Variants in WDR89 observed in about 807,000 individuals in gnomAD.
The protein encoded by WDR89 is WD repeat domain 89, also known as WD repeat-containing protein 89.
A neutral mutation model predicts 29.1 loss-of-function variants in WDR89; 17 were observed. That is an observed-to-expected ratio of 0.58 (90% CI 0.40 to 0.88). The LOEUF (loss-of-function observed/expected upper bound fraction) is 0.88. Among genes scored for constraint, WDR89 ranks in the 40% least tolerant of loss-of-function variants. The pLI, the probability that WDR89 is intolerant of heterozygous loss-of-function variation, is 0.00. For synonymous variants in WDR89, 138 were observed against 157.8 expected, an observed-to-expected ratio of 0.87 and a Z score of 0.94; for missense variants, 396 against 456.3, an observed-to-expected ratio of 0.87 and a Z score of 1.20.
chr14:63,635,883 T>A (rs1185909133), intron 1 of WDR89, among the ~76,000 whole-genome samples: 1 of 152,090 alleles, frequency 6.6e-6, no homozygotes, highest in African/African-American at 2.4e-5. Flanking sequence ...TTACAATAGC[T>A]GCAAAAACAA....
intron 2 of WDR89, among the ~76,000 whole-genome samples, chr14:63,615,173 C>CAGTTATTACAGATGTTATTTA (rs1157635440): frequency 1.1e-4 from 16 of 152,198 alleles, no homozygotes; most frequent in Non-Finnish European, 2.1e-4. Flanking sequence ...CCTGAGATGT[C>CAGTTATTACAGATGTTATTTA]CAGTTTTGCA....
chr14:63,629,775 A>G (rs902045682), intron 1 of WDR89, among the ~76,000 whole-genome samples: 1 of 152,050 alleles, frequency 6.6e-6, no homozygotes, highest in African/African-American at 2.4e-5. Context: ...TATTTTTTTT[A>G]TTTCTTCTCA....
rs113657972 is a variant in WDR89 at position 63,614,311 on chromosome 14, C to CT, written c.-32+10616dup. ...GGCATATCCTTTCTTTTCTTTTTTT[C>CT]TTTTTTTTTTTTTTGAGACAGGGTC... On this transcript the variant is annotated intron_variant, in intron 2 of 2. Transcript: ENST00000620954. Among the ~76,000 whole-genome samples the CT allele has an allele frequency of 7.0e-3, 1,000 of 141,892 alleles. 9 individuals are homozygous for CT. The highest frequency in any genetic ancestry group is 0.046 in the South Asian group (207 of 4,472). 93.1% of individuals were successfully genotyped at this position (141,892 alleles called of 152,430 possible).
intron 2 of WDR89, among the ~76,000 whole-genome samples, chr14:63,620,004 CAAAAAAAAAAAAA>C (rs71120271): frequency 1.4e-5 from 1 of 72,468 alleles, no homozygotes; most frequent in Non-Finnish European, 2.8e-5. Context: ...GACTCCATCT[CAAAAAAAAAAAAA>C]AAAAAAAGAA....
chr14:63,612,677 C>T (rs1595024017), intron 2 of WDR89, among the ~76,000 whole-genome samples: 1 of 152,128 alleles, frequency 6.6e-6, no homozygotes, highest in Non-Finnish European at 1.5e-5. Flanking sequence ...CAAGAGCCAC[C>T]ATGCCTAGCC....
At chr14:63,625,828 GC>G (rs1882999135) in intron 1 of WDR89, among the ~76,000 whole-genome samples, 1 of 150,872 alleles carries the variant, frequency 6.6e-6, no homozygotes, top group African/African-American at 2.4e-5. Flanking sequence ...ACACAAAGAA[GC>G]AAAACATACA....
At chr14:63,620,702 T>C (rs911411215) in intron 2 of WDR89, among the ~76,000 whole-genome samples, 3 of 151,890 alleles carry the variant, frequency 2.0e-5, no homozygotes, top group South Asian at 2.1e-4. Context: ...CTGGCCAATA[T>C]GGTGAAGCCC....
At chr14:63,600,677 T>C (rs1895017396) in intron 2 of WDR89, among the ~76,000 whole-genome samples, 1 of 121,684 alleles carries the variant, frequency 8.2e-6, no homozygotes, top group African/African-American at 3.0e-5. Flanking sequence ...TGGCCCCAGC[T>C]GCCTTACACA....
chr14:63,625,725 TTACAG>T (rs1882992043), intron 1 of WDR89, among the ~76,000 whole-genome samples: 1 of 152,310 alleles, frequency 6.6e-6, no homozygotes, highest in South Asian at 2.1e-4. Context: ...TTTGTAGACC[TTACAG>T]TAGTTATATT....
chr14:63,621,333 A>G (rs538036498), intron 2 of WDR89, among the ~76,000 whole-genome samples: 175 of 152,166 alleles, frequency 1.2e-3, no homozygotes, highest in Non-Finnish European at 2.1e-3. Flanking sequence ...GCTGGCTACA[A>G]CCTCTGCCTT....
At chr14:63,618,123 T>C (rs928587424) in intron 2 of WDR89, 2 of 152,148 alleles carry the variant, frequency 1.3e-5, no homozygotes, top group African/African-American at 4.8e-5. Flanking sequence ...ACATACCAGT[T>C]TGTGAAACAT....
At chr14:63,641,127 A>G (rs962355035) in intron 1 of WDR89, among the ~76,000 whole-genome samples, 8 of 151,770 alleles carry the variant, frequency 5.3e-5, no homozygotes, top group Non-Finnish European at 7.4e-5. Flanking sequence ...AAAAAGAAAA[A>G]GAAAAACAAA....
chr14:63,625,098 C>T (rs1174048536), intron 1 of WDR89, 65 bp from the exon 2 acceptor site: 3 of 152,048 alleles, frequency 2.0e-5, no homozygotes, highest in African/African-American at 7.2e-5. Context: ...GACTCTCCCT[C>T]CCCGAGAAAT....
intron 2 of WDR89, among the ~76,000 whole-genome samples, chr14:63,602,643 A>G (rs1895124968): frequency 6.7e-6 from 1 of 150,324 alleles, no homozygotes; most frequent in African/African-American, 2.4e-5. Context: ...GTGGTGGCAC[A>G]TGCCTGTAAT....
rs148702795 is a variant in WDR89, at chr14:63,599,535, T to C, written c.408A>G (p.Lys136=). ...NDHIICAGTE[K]VDDDALLVFW... ...ACACCAACAATGCATCATCATCAAC[T>C]TTTTCTGTACCAGCACAAATAATAT... The change falls in exon 3 of 3, where the codon AAA becomes AAG. Residue 136 remains lysine, a synonymous_variant. Coordinates refer to ENST00000620954, the MANE Select transcript of WDR89 (RefSeq NM_080666.4). 8 of 1,613,672 alleles carry C rather than the reference T, an allele frequency of 5.0e-6. No homozygotes were observed. The highest frequency in any genetic ancestry group is 5.1e-6 in the Non-Finnish European group (6 of 1,179,914).
In WDR89 at chr14:63,602,171, T is replaced by C. The variant is rs374025943; in HGVS notation, c.-31-2198A>G. ...CTGCACAATGTATGGCATATCATAGTACCTACACAATAGATGTAATAGGTC... is the reference window on the plus strand; with the variant it reads ...CTGCACAATGTATGGCATATCATAGCACCTACACAATAGATGTAATAGGTC... On this transcript the variant is annotated intron_variant, in intron 2 of 2. Transcript: ENST00000620954. Among the ~76,000 whole-genome samples the C allele has an allele frequency of 2.0e-5, 3 of 152,184 alleles. No individual in the cohort carries two copies. The East Asian group carries it at 5.8e-4, about 29-fold the overall frequency.
At chr14:63,633,314 A>G (rs1883525898) in intron 1 of WDR89, among the ~76,000 whole-genome samples, 1 of 152,044 alleles carries the variant, frequency 6.6e-6, no homozygotes, top group South Asian at 2.1e-4. Flanking sequence ...ATGTTCCCCT[A>G]AAAATGCTAC....
At chr14:63,626,659 A>G (rs1224383264) in intron 1 of WDR89, among the ~76,000 whole-genome samples, 1 of 136,432 alleles carries the variant, frequency 7.3e-6, no homozygotes, top group Non-Finnish European at 1.6e-5. Flanking sequence ...AGCCTGGGCT[A>G]CAGAGTGAGA....
intron 2 of WDR89, among the ~76,000 whole-genome samples, chr14:63,604,199 C>T (rs915168601): frequency 6.6e-6 from 1 of 152,148 alleles, no homozygotes; most frequent in African/African-American, 2.4e-5. Context: ...CCAGGGCAGG[C>T]AGATTGCTTG....
Sources: allele counts gnomAD v4.1 joint callset (sites outside exome capture counted in the v4.1 genomes callset), GRCh38; gene constraint gnomAD v4.1.1; transcripts MANE v1.5; gene names NCBI Gene and HGNC (gene_info 2026-07-23, HGNC 2026-07-21).